Variants in PDSS2 observed in about 807,000 individuals in gnomAD.
PDSS2 encodes the protein decaprenyl diphosphate synthase subunit 2.
In PDSS2, 31 loss-of-function variants were observed where a neutral mutation model predicts 44.5. That is an observed-to-expected ratio of 0.70 (90% CI 0.52 to 0.94). PDSS2 has a LOEUF of 0.94. PDSS2 is among the 40% of genes least tolerant of loss of function. The probability of loss-of-function intolerance (pLI) is 0.00; values close to 1 mark genes in which losing one functional copy is unlikely to be tolerated. For missense variants in PDSS2, 452 were observed against 482.2 expected, an observed-to-expected ratio of 0.94 and a Z score of 0.59; for synonymous variants, 157 against 180.3, an observed-to-expected ratio of 0.87 and a Z score of 1.03.
At chr6:107,366,997 C>T (rs543210087) in intron 1 of PDSS2, among the ~76,000 whole-genome samples, 1 of 152,136 alleles carries the variant, frequency 6.6e-6, no homozygotes, top group East Asian at 1.9e-4. Flanking sequence ...AGTACTTACC[C>T]TAACACCAAA....
intron 2 of PDSS2, among the ~76,000 whole-genome samples, chr6:107,328,652 C>G (rs966529187): frequency 6.6e-6 from 1 of 152,142 alleles, no homozygotes; most frequent in Non-Finnish European, 1.5e-5. Flanking sequence ...AAACATTTAC[C>G]AAACTTTTGC....
intron 7 of PDSS2, among the ~76,000 whole-genome samples, chr6:107,160,072 T>C (rs111532217): frequency 0.02 from 3,052 of 152,036 alleles, 95 homozygotes; most frequent in African/African-American, 0.07. Context: ...AAAAATTAGC[T>C]GGGCATGGTG....
intron 1 of PDSS2, among the ~76,000 whole-genome samples, chr6:107,373,943 G>A (rs1779202482): frequency 6.6e-6 from 1 of 152,032 alleles, no homozygotes. Context: ...TCTAAAGAAG[G>A]ATCCTGTGAA....
intron 4 of PDSS2, among the ~76,000 whole-genome samples, chr6:107,222,730 G>C (rs537836464): frequency 6.6e-6 from 1 of 151,892 alleles, no homozygotes; most frequent in East Asian, 1.9e-4. Context: ...GCAGAGATGA[G>C]TCTCAGAAGT....
chr6:107,257,081 G>A (rs373580445), intron 3 of PDSS2, among the ~76,000 whole-genome samples: 1 of 152,126 alleles, frequency 6.6e-6, no homozygotes. Context: ...TCAGGAGGCT[G>A]AGGCAGGAGA....
At chr6:107,282,597 G>C (rs1434348859) in intron 2 of PDSS2, among the ~76,000 whole-genome samples, 1 of 151,672 alleles carries the variant, frequency 6.6e-6, no homozygotes, top group East Asian at 2.0e-4. Context: ...CGGGCTCCGT[G>C]GTTCATGCCT....
intron 7 of PDSS2, among the ~76,000 whole-genome samples, chr6:107,183,851 C>T (rs374903543): frequency 7.9e-5 from 12 of 151,878 alleles, no homozygotes; most frequent in Non-Finnish European, 1.3e-4. Context: ...GCTGAGATCA[C>T]GCCACTGGAT....
chr6:107,310,537 G>A (rs1482537443), intron 2 of PDSS2, among the ~76,000 whole-genome samples: 1 of 152,046 alleles, frequency 6.6e-6, no homozygotes, highest in Non-Finnish European at 1.5e-5. Flanking sequence ...TCCCATAACT[G>A]GTTTGTCCTT....
intron 2 of PDSS2, among the ~76,000 whole-genome samples, chr6:107,319,962 C>G (rs1033795703): frequency 3.3e-5 from 5 of 152,136 alleles, no homozygotes; most frequent in Non-Finnish European, 7.4e-5. Flanking sequence ...AAATTAAATA[C>G]AGAAATGCAT....
intron 1 of PDSS2, among the ~76,000 whole-genome samples, chr6:107,423,449 G>A (rs949838997): frequency 3.3e-5 from 5 of 152,100 alleles, no homozygotes; most frequent in African/African-American, 1.2e-4. Context: ...ATCTCTGAAA[G>A]CTTATTTGAT....
In PDSS2 at chr6:107,155,581, C is replaced by CTT. The variant is rs398066143; in HGVS notation, c.1042-806_1042-805dup. ...CACATAGTATTAGATCTGAATGTTACTTTTTTTTTTTTTTTTTGAGACGGA... is the reference window on the plus strand; with the variant it reads ...CACATAGTATTAGATCTGAATGTTACTTTTTTTTTTTTTTTTTTTGAGACGGA... On this transcript the variant is annotated intron_variant, in intron 7 of 7. Transcript: ENST00000369037. Among the ~76,000 whole-genome samples the CTT allele has an allele frequency of 9.5e-3, 1,304 of 136,664 alleles. 60 individuals are homozygous for CTT. In the East Asian group the frequency reaches 0.15, roughly 16 times the overall value. The allele number at this position is 136,664 out of a possible 152,430, so 89.7% of individuals were successfully genotyped here.
chr6:107,204,032 T>C (rs1772884902), intron 6 of PDSS2, among the ~76,000 whole-genome samples: 5 of 151,778 alleles, frequency 3.3e-5, no homozygotes, highest in Admixed American at 3.3e-4. Context: ...AACCTCCGCC[T>C]CCCGGGTTCA....
intron 4 of PDSS2, among the ~76,000 whole-genome samples, chr6:107,213,264 A>AC (rs1773290165): frequency 6.7e-6 from 1 of 149,476 alleles, no homozygotes; most frequent in African/African-American, 2.5e-5. Flanking sequence ...GCCAGCCTTG[A>AC]CCTCCCAAAG....
chr6:107,333,489 C>G (rs1407034235), intron 2 of PDSS2, among the ~76,000 whole-genome samples: 2 of 152,052 alleles, frequency 1.3e-5, no homozygotes, highest in Non-Finnish European at 2.9e-5. Context: ...TAGACTACAG[C>G]TCTTAAAATG....
intron 1 of PDSS2, among the ~76,000 whole-genome samples, chr6:107,446,900 G>A (rs549284210): frequency 2.4e-4 from 37 of 151,976 alleles, no homozygotes; most frequent in African/African-American, 6.5e-4. Context: ...CCCAAATCTC[G>A]TGTGCTCACA....
At chr6:107,362,979 G>A (rs1055613232) in intron 1 of PDSS2, among the ~76,000 whole-genome samples, 5 of 152,076 alleles carry the variant, frequency 3.3e-5, no homozygotes, top group Admixed American at 6.5e-5. Context: ...TATTTAACCT[G>A]AATAACATAG....
At chr6:107,296,755 A>T (rs1369840674) in intron 2 of PDSS2, among the ~76,000 whole-genome samples, 2 of 151,932 alleles carry the variant, frequency 1.3e-5, no homozygotes, top group Non-Finnish European at 2.9e-5. Context: ...AAAACAAAAT[A>T]AAAAAATAAA....
chr6:107,431,529 G>A (rs58061740), intron 1 of PDSS2, among the ~76,000 whole-genome samples: 5,762 of 152,220 alleles, frequency 0.038, 357 homozygotes, highest in African/African-American at 0.13. Flanking sequence ...GATTACAGGC[G>A]TGAGCCACTA....
intron 4 of PDSS2, among the ~76,000 whole-genome samples, chr6:107,242,547 AATT>A (rs1774476272): frequency 6.6e-6 from 1 of 150,850 alleles, no homozygotes; most frequent in African/African-American, 2.4e-5. Flanking sequence ...CCTGGCCAAA[AATT>A]ATTATTTTTT....
Sources: gnomAD v4.1 joint callset for allele counts (sites outside exome capture counted in the v4.1 genomes callset) on GRCh38, gnomAD v4.1.1 for gene constraint, MANE v1.5 for transcripts, NCBI Gene and HGNC (gene_info 2026-07-23, HGNC 2026-07-21) for gene names.